Variants in MOXD1 observed in about 807,000 individuals in gnomAD.
MOXD1 encodes DBH-like monooxygenase protein 1.
Under a neutral mutation model 66.6 loss-of-function variants are expected in MOXD1, and 62 were observed. The ratio of observed to expected loss-of-function variants is 0.93; its 90% CI spans 0.76 to 1.15. MOXD1 has a LOEUF of 1.15. Ranked by LOEUF, MOXD1 falls within the 50% of genes most tolerant of loss-of-function variation. The pLI is 0.00. For missense variants in MOXD1, 847 were observed against 754.6 expected (o/e 1.12, Z -1.44); for synonymous variants, 303 against 281.9 (o/e 1.07, Z -0.75).
intron 1 of MOXD1, among the ~76,000 whole-genome samples, chr6:132,385,971 C>G (rs1001754661): frequency 1.3e-5 from 2 of 150,318 alleles, no homozygotes; most frequent in Non-Finnish European, 3.0e-5. Context: ...GGCGTGGTGG[C>G]GGGCGCCTGT....
At chr6:132,350,691 T>C (rs1030442255) in intron 4 of MOXD1, among the ~76,000 whole-genome samples, 2 of 152,206 alleles carry the variant, frequency 1.3e-5, no homozygotes, top group Non-Finnish European at 2.9e-5. Flanking sequence ...GGGGACTGAA[T>C]TGAATTTGTA....
intron 1 of MOXD1, chr6:132,391,421 T>C (rs1158305442): frequency 6.6e-6 from 1 of 152,214 alleles, no homozygotes; most frequent in African/African-American, 2.4e-5. Context: ...ATATGCTATA[T>C]GGTGTCCTTA....
intron 1 of MOXD1, among the ~76,000 whole-genome samples, chr6:132,376,013 C>A (rs548520843): frequency 1.3e-5 from 2 of 152,206 alleles, no homozygotes; most frequent in South Asian, 4.1e-4. Flanking sequence ...TTGGTTTTAT[C>A]CCCAAAATAT....
chr6:132,386,435 A>AAAC (rs1554238104), intron 1 of MOXD1, among the ~76,000 whole-genome samples: 1 of 144,722 alleles, frequency 6.9e-6, no homozygotes, highest in African/African-American at 2.6e-5. Flanking sequence ...AAACAAAACA[A>AAAC]AAAAAAAAAA....
At chr6:132,301,375 T>G (rs1358064721) in intron 10 of MOXD1, among the ~76,000 whole-genome samples, 2 of 152,086 alleles carry the variant, frequency 1.3e-5, no homozygotes, top group Non-Finnish European at 2.9e-5. Context: ...TTTTTTAAAT[T>G]TTTAAGTGGA....
At chr6:132,349,178 T>C (rs1331385646) in intron 4 of MOXD1, among the ~76,000 whole-genome samples, 3 of 149,644 alleles carry the variant, frequency 2.0e-5, no homozygotes, top group Admixed American at 6.7e-5. Flanking sequence ...ATCATTCTTA[T>C]GCCTTTGCGT....
At chr6:132,319,630 C>G (rs1775032791) in intron 9 of MOXD1, among the ~76,000 whole-genome samples, 2 of 151,390 alleles carry the variant, frequency 1.3e-5, no homozygotes, top group Admixed American at 1.3e-4. Flanking sequence ...TTTGCTTCTT[C>G]ACTTCTTTCT....
At position 132,296,170 on chromosome 6, in the gene MOXD1, A is replaced by AT; in HGVS notation, c.*982dup. On this transcript the variant is annotated 3_prime_UTR_variant, in exon 12 of 12. Coordinates refer to ENST00000367963, the MANE Select transcript of MOXD1 (RefSeq NM_015529.4). ...TAAAGAAAACCAAAAGAGTGACAAG[A>AT]TTTTCAATTGGTGACAATTTAAAGT... 1 of 152,300 alleles carries AT rather than the reference A, an allele frequency of 6.6e-6. No individual in the cohort carries two copies. The highest frequency in any genetic ancestry group is 1.5e-5 in the Non-Finnish European group (1 of 68,012). The allele number at this position is 152,300 out of a possible 1,614,324, so 9.4% of individuals were successfully genotyped here.
chr6:132,326,211 C>T (rs547815653), intron 6 of MOXD1, among the ~76,000 whole-genome samples: 8 of 151,738 alleles, frequency 5.3e-5, no homozygotes, highest in South Asian at 4.2e-4. Context: ...GAAACAAATT[C>T]GTATTATGTT....
chr6:132,387,751 T>TAAAAAAAAAAAAAAAAAAAAAAAAAA (rs56728324), intron 1 of MOXD1, among the ~76,000 whole-genome samples: 1 of 69,516 alleles, frequency 1.4e-5, no homozygotes, highest in Non-Finnish European at 3.0e-5. Context: ...AAACTCCATC[T>TAAAAAAAAAAAAAAAAAAAAAAAAAA]AAAAAAAAAA....
rs1484993324 is a variant in MOXD1 at position 132,297,273 on chromosome 6, A to C, written c.1722T>G (p.Tyr574Ter). The change falls in exon 12 of 12, where the codon TAT becomes TAG. Residue 574 changes from tyrosine (Y) to a stop codon, truncating the protein, a stop_gained. Coordinates refer to ENST00000367963, the MANE Select transcript of MOXD1 (RefSeq NM_015529.4). LOFTEE classifies it low-confidence loss of function (END_TRUNC). ...TGCCACACACCAAAGGTTCTGCTTTATAGGGTCTTTCTATATCTGGAGGTA... is the reference window on the plus strand; with the variant it reads ...TGCCACACACCAAAGGTTCTGCTTTCTAGGGTCTTTCTATATCTGGAGGTA... ...TALPPDIERPYKAEPLVCGTS... is the reference protein window; with the variant it reads ...TALPPDIERP 1 of 1,613,544 alleles carries C rather than the reference A, an allele frequency of 6.2e-7. No homozygotes were observed. The highest frequency in any genetic ancestry group is 1.7e-4 in the Middle Eastern group (1 of 6,052).
Position 132,297,916 on chromosome 6 carries a change from T to TATA in MOXD1, c.1547_1548insTAT (p.Lys516delinsAsnIle), listed in dbSNP as rs773232644. 1 of 1,612,622 alleles carries TATA rather than the reference T, an allele frequency of 6.2e-7. No homozygotes were observed. Among genetic ancestry groups the TATA allele is most frequent in the South Asian group, 1.1e-5 (1 of 90,832 alleles). On this transcript the variant is annotated protein_altering_variant, in exon 11 of 12. Coordinates refer to ENST00000367963, the MANE Select transcript of MOXD1 (RefSeq NM_015529.4). The stretch of plus-strand genomic sequence containing the variant: ...TCATAGCATCCATGAAAGAAAGGTT[T>TATA]TTATATTGCTTGGGACTTTTGATAA...
At chr6:132,326,199 T>A (rs1433926119) in intron 6 of MOXD1, among the ~76,000 whole-genome samples, 1 of 152,036 alleles carries the variant, frequency 6.6e-6, no homozygotes, top group African/African-American at 2.4e-5. Context: ...AAAACTTTTC[T>A]GGAAACAAAT....
chr6:132,400,185 A>G (rs1426608931), intron 1 of MOXD1, among the ~76,000 whole-genome samples: 1 of 152,250 alleles, frequency 6.6e-6, no homozygotes, highest in African/African-American at 2.4e-5. Context: ...CTCTAAATCC[A>G]CGGAGAACAC....
At chr6:132,341,495 A>G (rs1427321231) in intron 4 of MOXD1, among the ~76,000 whole-genome samples, 2 of 152,218 alleles carry the variant, frequency 1.3e-5, no homozygotes, top group Admixed American at 1.3e-4. Context: ...TGATCTTCCC[A>G]AATCGCACTT....
chr6:132,349,364 C>CAT (rs370934846), intron 4 of MOXD1, among the ~76,000 whole-genome samples: 72,623 of 88,908 alleles, frequency 0.82, 30,708 homozygotes, highest in East Asian at 0.98. Flanking sequence ...TATATTCCAT[C>CAT]ATATATATAT....
chr6:132,318,379 A>G (rs1775002428), intron 9 of MOXD1, among the ~76,000 whole-genome samples: 1 of 152,044 alleles, frequency 6.6e-6, no homozygotes, highest in Non-Finnish European at 1.5e-5. Context: ...AATTTTGCCA[A>G]ACTGGTTAGT....
At chr6:132,349,713 G>A (rs1423853855) in intron 4 of MOXD1, among the ~76,000 whole-genome samples, 2 of 151,726 alleles carry the variant, frequency 1.3e-5, no homozygotes, top group African/African-American at 4.8e-5. Context: ...TTGCCATAGT[G>A]GCCTTACTAG....
At position 132,308,234 on chromosome 6, in the gene MOXD1, A is replaced by G. The variant is rs9375872; in HGVS notation, c.1508+7401T>C. Among the ~76,000 whole-genome samples, 410 of 152,338 alleles carry G rather than the reference A, an allele frequency of 2.7e-3. 11 individuals carry two copies. The East Asian group carries it at 0.071, about 26-fold the overall frequency. On this transcript the variant is annotated intron_variant, in intron 10 of 11. Transcript: ENST00000367963. ...GAAATACAAACTACCATCAGAGAATATAAACACCTCTATGCAAATAAACTA... is the reference window on the plus strand; with the variant it reads ...GAAATACAAACTACCATCAGAGAATGTAAACACCTCTATGCAAATAAACTA...
Sources: gnomAD v4.1 joint callset for allele counts (sites outside exome capture counted in the v4.1 genomes callset) on GRCh38, gnomAD v4.1.1 for gene constraint, MANE v1.5 for transcripts, NCBI Gene and HGNC (gene_info 2026-07-23, HGNC 2026-07-21) for gene names.